BIRC6: variants seen among roughly 807,000 people sequenced by gnomAD.
BIRC6 encodes the protein dual E2 ubiquitin-conjugating enzyme/E3 ubiquitin-protein ligase BIRC6.
In BIRC6, 98 loss-of-function variants were observed where a neutral mutation model predicts 503.3. The ratio of observed to expected loss-of-function variants is 0.19; its 90% CI spans 0.17 to 0.23. BIRC6 has a LOEUF of 0.23. Among genes scored for constraint, BIRC6 ranks in the 10% least tolerant of loss-of-function variants. BIRC6 has a pLI of 1.00. For missense variants in BIRC6, 5,360 were observed against 5,806.0 expected (o/e 0.92, Z 2.50); for synonymous variants, 2,240 against 2,078.7 (o/e 1.08, Z -2.11).
In BIRC6 at chr2:32,365,611, G is replaced by C. The variant is rs1381694099; in HGVS notation, c.325+8125G>C. On this transcript the variant is annotated intron_variant, in intron 1 of 73. Coordinates refer to ENST00000421745, the MANE Select transcript of BIRC6 (RefSeq NM_016252.4). The stretch of plus-strand genomic sequence containing the variant: ...TGGGATTACAAGTGTGAGCCACCGT[G>C]CCCGGTCCTACTTTTTGTTTTGTTG... Among the ~76,000 whole-genome samples, 6 of 152,124 alleles carry C rather than the reference G, an allele frequency of 3.9e-5. No homozygotes were observed. The East Asian group carries it at 1.2e-3, about 29-fold the overall frequency.
intron 61 of BIRC6, among the ~76,000 whole-genome samples, chr2:32,537,752 G>T (rs1374126266): frequency 5.9e-5 from 9 of 152,120 alleles, no homozygotes; most frequent in Non-Finnish European, 8.8e-5. Context: ...GGATCACGAG[G>T]TCAGGAGATC....
chr2:32,411,859 A>G (rs1331647479), intron 9 of BIRC6, among the ~76,000 whole-genome samples: 4 of 152,246 alleles, frequency 2.6e-5, no homozygotes, highest in Non-Finnish European at 2.9e-5. Flanking sequence ...TGAGATAGAG[A>G]CAGATCAGTG....
chr2:32,446,423 C>T (rs1045208875), intron 21 of BIRC6, among the ~76,000 whole-genome samples: 2 of 152,152 alleles, frequency 1.3e-5, no homozygotes, highest in African/African-American at 2.4e-5. Context: ...TGATTGTCTA[C>T]GTTTGAAGTA....
chr2:32,441,488 T>C (rs2045426123), intron 17 of BIRC6, 26 bp downstream of exon 17: 2 of 1,585,886 alleles, frequency 1.3e-6, no homozygotes, highest in Admixed American at 1.7e-5. Flanking sequence ...TATCTTGTTA[T>C]TCTTACAGTA....
Position 32,415,355 on chromosome 2 carries a change from T to G in BIRC6, c.2064T>G (p.Ile688Met). The G allele has an allele frequency of 6.2e-7, 1 of 1,614,044 alleles. No individual in the cohort carries two copies. The highest frequency in any genetic ancestry group is 8.5e-7 in the Non-Finnish European group (1 of 1,179,902). ...LLLQDPPVTY[I>M]QQFADAAANL... ...TGCAGGATCCTCCTGTGACTTACAT[T>G]CAGCAATTTGCAGATGCAGCAGCCA... is the stretch of plus-strand genomic sequence containing the variant. Residue 688 changes from isoleucine to methionine, a missense_variant, in exon 10 of 74, where the codon ATT becomes ATG. Ile to Met is a conservative substitution (Grantham distance 10). Around this residue, in one of 16 missense-constraint regions of BIRC6, gnomAD observed 700 missense variants for 739.3 expected, o/e 0.95. Coordinates refer to ENST00000421745, the MANE Select transcript of BIRC6 (RefSeq NM_016252.4).
chr2:32,515,522 G>A lies in BIRC6; in HGVS notation c.11101G>A (p.Asp3701Asn). ...AGTTGGCAATAGCCATATTATGAAAGATTGGCTTGGTGGTTCTGAAGTCAA... is the reference window on the plus strand; with the variant it reads ...AGTTGGCAATAGCCATATTATGAAAAATTGGCTTGGTGGTTCTGAAGTCAA... ...TEVGNSHIMK[D>N]WLGGSEVNPL... is the part of the protein sequence containing the mutation. Residue 3701 changes from aspartate to asparagine, a missense_variant, in exon 55 of 74, where the codon GAT (aspartate) becomes AAT (asparagine). Coordinates refer to ENST00000421745, the MANE Select transcript of BIRC6 (RefSeq NM_016252.4). 1 of 1,613,942 alleles carries A rather than the reference G, an allele frequency of 6.2e-7. No homozygotes were observed. The highest frequency in any genetic ancestry group is 8.5e-7 in the Non-Finnish European group (1 of 1,179,886).
chr2:32,382,162 G>A (rs927679411), intron 3 of BIRC6, among the ~76,000 whole-genome samples: 2 of 152,180 alleles, frequency 1.3e-5, no homozygotes, highest in African/African-American at 4.8e-5. Context: ...GAGATTAGGG[G>A]TTATCAGAAC....
chr2:32,468,359 A>G, intron 28 of BIRC6, 78 bp from the exon 29 acceptor site: 1 of 1,256,970 alleles, frequency 8.0e-7, no homozygotes, highest in Non-Finnish European at 1.1e-6. Flanking sequence ...GGTTTAAGAG[A>G]TTTAATTCTT....
At chr2:32,594,889 C>T (rs986877121) in intron 67 of BIRC6, 145 bp from the exon 68 acceptor site, 12 of 471,018 alleles carry the variant, frequency 2.5e-5, no homozygotes, top group African/African-American at 1.4e-4. Flanking sequence ...ATTCTCAGAG[C>T]GGTTGTAATA....
At chr2:32,487,121 G>T (rs1313006179) in intron 40 of BIRC6, among the ~76,000 whole-genome samples, 1 of 152,002 alleles carries the variant, frequency 6.6e-6, no homozygotes, top group East Asian at 1.9e-4. Flanking sequence ...ATAAAATAAG[G>T]CTCTAAATAT....
chr2:32,538,913 T>C (rs190566082), intron 61 of BIRC6, among the ~76,000 whole-genome samples: 19 of 152,050 alleles, frequency 1.2e-4, no homozygotes, highest in Non-Finnish European at 2.1e-4. Flanking sequence ...ATCTCTATGA[T>C]TGAACAAATG....
rs1239272144 is a variant in BIRC6, at chr2:32,599,914, A to G, written c.13992+14A>G. On this transcript the variant is annotated intron_variant, in intron 70 of 73. Transcript: ENST00000421745. Reference sequence around the variant, plus strand: ...AATGATGGCAAGGTAAATTAATTGCAATTTTTTGTTTCAAATGCCAATGAT... The same window carrying G: ...AATGATGGCAAGGTAAATTAATTGCGATTTTTTGTTTCAAATGCCAATGAT... The G allele has an allele frequency of 6.2e-7, 1 of 1,606,462 alleles. No homozygotes were observed.
chr2:32,406,891 T>G (rs2041281869), intron 9 of BIRC6, among the ~76,000 whole-genome samples: 1 of 152,222 alleles, frequency 6.6e-6, no homozygotes, highest in Non-Finnish European at 1.5e-5. Context: ...TCTTTATTCA[T>G]GTAGGTGAAT....
At position 32,499,955 on chromosome 2, in the gene BIRC6, A is replaced by G. The variant is rs3731580; in HGVS notation, c.8877A>G (p.Lys2959=). 2.1e-4 allele frequency: 347 copies of G among 1,614,014 alleles called. No individual in the cohort carries two copies. The East Asian group carries it at 5.5e-3, about 26-fold the overall frequency. The change falls in exon 46 of 74, where the codon AAA becomes AAG. Residue 2959 remains lysine (K), a synonymous_variant. Coordinates refer to ENST00000421745, the MANE Select transcript of BIRC6 (RefSeq NM_016252.4). ...NTTDSVSDEE[K]VSGGKDGNGS... ...CAGATAGTGTTTCAGATGAAGAAAA[A>G]GTCTCAGGAGGCAAAGATGGCAATG...
rs776139017 is a variant in BIRC6 at position 32,415,859 on chromosome 2, T to G, written c.2568T>G (p.Ile856Met). 6.2e-7 allele frequency: 1 copy of G among 1,613,948 alleles called. No individual in the cohort carries two copies. Among genetic ancestry groups the G allele is most frequent in the Non-Finnish European group, 8.5e-7 (1 of 1,179,886 alleles). Residue 856 changes from isoleucine (I) to methionine (M), a missense_variant, in exon 10 of 74, where the codon ATT becomes ATG. Coordinates refer to ENST00000421745, the MANE Select transcript of BIRC6 (RefSeq NM_016252.4). ...IQHIKDPQDT[I>M]TSLILLPPDI... ...ATATCAAAGATCCCCAGGACACAAT[T>G]ACCTCGCTCATTTTGCTTCCACCCG... is the stretch of plus-strand genomic sequence containing the variant.
chr2:32,367,715 C>A (rs939566669), intron 1 of BIRC6, among the ~76,000 whole-genome samples: 3 of 152,048 alleles, frequency 2.0e-5, no homozygotes, highest in African/African-American at 7.2e-5. Context: ...ACTCGGGAGG[C>A]TGAGGCAGGA....
rs573729749 is a variant in BIRC6 at position 32,415,095 on chromosome 2, A to G, written c.1804A>G (p.Ile602Val). 2.5e-6 allele frequency: 4 copies of G among 1,613,948 alleles called. No individual in the cohort carries two copies. The highest frequency in any genetic ancestry group is 2.2e-5 in the East Asian group (1 of 44,878). ...TTTAAGCAGAACTCAGGGTGAAAGT[A>G]TATCAGAACAAGGGTCAACTGACAA... Reference protein sequence around the residue: ...DGLSRTQGESISEQGSTDNES... With the variant: ...DGLSRTQGESVSEQGSTDNES... The change falls in exon 10 of 74, where the codon ATA becomes GTA. Residue 602 changes from isoleucine to valine, a missense_variant. Ile to Val is a conservative substitution (Grantham distance 29). Around this residue, in one of 16 missense-constraint regions of BIRC6, gnomAD observed 700 missense variants for 739.3 expected, o/e 0.95. Coordinates refer to ENST00000421745, the MANE Select transcript of BIRC6 (RefSeq NM_016252.4).
intron 73 of BIRC6, among the ~76,000 whole-genome samples, chr2:32,613,164 T>G (rs1181985377): frequency 6.6e-6 from 1 of 151,604 alleles, no homozygotes; most frequent in African/African-American, 2.4e-5. Context: ...TAAATTTCAC[T>G]TCATGGAACC....
At chr2:32,464,844 G>T (rs762633031) in intron 25 of BIRC6, 21 bp downstream of exon 25, 1 of 1,576,394 alleles carries the variant, frequency 6.3e-7, no homozygotes, top group Admixed American at 1.8e-5. Flanking sequence ...TTTTAAATAG[G>T]TGTTGGCTTA....
Sources: gnomAD v4.1 joint callset for allele counts (sites outside exome capture counted in the v4.1 genomes callset) on GRCh38, gnomAD v4.1.1 for gene constraint, gnomAD v4.1.1 regional missense constraint, MANE v1.5 for transcripts, NCBI Gene and HGNC (gene_info 2026-07-23, HGNC 2026-07-21) for gene names.